The following LRRIQ3 variants were observed in gnomAD, a reference collection of about 807,000 sequenced individuals.
LRRIQ3 encodes the protein leucine rich repeats and IQ motif containing 3.
A neutral mutation model predicts 59.3 loss-of-function variants in LRRIQ3; 75 were observed. That is an observed-to-expected ratio of 1.26 (90% CI 1.05 to 1.53). The LOEUF (loss-of-function observed/expected upper bound fraction) is 1.53. Among genes scored for constraint, LRRIQ3 ranks in the 40% most tolerant of loss-of-function variants. The probability of loss-of-function intolerance (pLI) is 0.00; values close to 1 mark genes in which losing one functional copy is unlikely to be tolerated. For synonymous variants in LRRIQ3, 250 were observed against 231.3 expected (o/e 1.08, Z -0.73); for missense variants, 831 against 710.0 (o/e 1.17, Z -1.94).
chr1:74,108,029 C>T (rs1363440332), intron 5 of LRRIQ3, among the ~76,000 whole-genome samples: 1 of 151,720 alleles, frequency 6.6e-6, no homozygotes, highest in East Asian at 1.9e-4. Flanking sequence ...TTTATACATA[C>T]TAAAAAATCT....
At chr1:74,028,741 T>C (rs1161262057) in intron 7 of LRRIQ3, among the ~76,000 whole-genome samples, 2 of 152,010 alleles carry the variant, frequency 1.3e-5, no homozygotes, top group Non-Finnish European at 2.9e-5. Context: ...AGAGGACATT[T>C]CAACTCACAG....
At chr1:74,056,645 T>A (rs1654543721) in intron 6 of LRRIQ3, among the ~76,000 whole-genome samples, 1 of 151,894 alleles carries the variant, frequency 6.6e-6, no homozygotes, top group Non-Finnish European at 1.5e-5. Context: ...TAACTAGAAA[T>A]AAATTTAACC....
chr1:74,119,467 T>C (rs1646822298), intron 4 of LRRIQ3, among the ~76,000 whole-genome samples: 2 of 152,248 alleles, frequency 1.3e-5, no homozygotes, highest in East Asian at 1.9e-4. Context: ...ACATATTCTT[T>C]TGAAAGTAGT....
intron 3 of LRRIQ3, among the ~76,000 whole-genome samples, chr1:74,173,158 G>A (rs915469691): frequency 7.2e-5 from 11 of 151,888 alleles, no homozygotes; most frequent in Non-Finnish European, 1.3e-4. Context: ...TCAGCTGGGC[G>A]TGGTAGCGGG....
In LRRIQ3 at chr1:74,198,151, A is replaced by G. The variant is rs565972704; in HGVS notation, c.-156T>C. 5 of 1,500,492 alleles carry G rather than the reference A, an allele frequency of 3.3e-6. No individual in the cohort carries two copies. The South Asian group carries it at 3.9e-5, about 12-fold the overall frequency. The allele number at this position is 1,500,492 out of a possible 1,614,324, so 92.9% of individuals were successfully genotyped here. On this transcript the variant is annotated 5_prime_UTR_variant, in exon 1 of 8. Coordinates refer to ENST00000354431, the MANE Select transcript of LRRIQ3 (RefSeq NM_001105659.2). ...TCCACATCATGGTTTTCCGGGCGCC[A>G]GCCAAGGCGCTCCGGGGGCGTGGTT...
intron 5 of LRRIQ3, among the ~76,000 whole-genome samples, chr1:74,096,242 T>G (rs144664211): frequency 6.6e-6 from 1 of 152,116 alleles, no homozygotes; most frequent in Admixed American, 6.6e-5. Flanking sequence ...AACTCCATGA[T>G]ACAGTAATGG....
At chr1:74,129,975 A>G (rs1646988794) in intron 4 of LRRIQ3, among the ~76,000 whole-genome samples, 1 of 151,704 alleles carries the variant, frequency 6.6e-6, no homozygotes, top group Non-Finnish European at 1.5e-5. Flanking sequence ...CCCCACCAAA[A>G]AAAAGTCCTC....
chr1:74,132,270 A>G (rs1337936224), intron 4 of LRRIQ3, among the ~76,000 whole-genome samples: 2 of 152,192 alleles, frequency 1.3e-5, no homozygotes, highest in Non-Finnish European at 2.9e-5. Context: ...GATAGGATGA[A>G]TCAATATTGT....
Position 74,057,569 on chromosome 1 carries a change from A to G in LRRIQ3, c.998-15636T>C, listed in dbSNP as rs527445259. Among the ~76,000 whole-genome samples the G allele has an allele frequency of 4.6e-5, 7 of 152,284 alleles. No homozygotes were observed. The South Asian group carries it at 1.0e-3, about 23-fold the overall frequency. On this transcript the variant is annotated intron_variant, in intron 6 of 7. Transcript: ENST00000354431. ...TGCAGAAGAATGAAACTAGACCCCT[A>G]TCTCTCACCATATAAAAAATCTACT...
intron 4 of LRRIQ3, among the ~76,000 whole-genome samples, chr1:74,114,667 G>A (rs1253284023): frequency 4.0e-5 from 6 of 151,670 alleles, no homozygotes; most frequent in South Asian, 2.1e-4. Flanking sequence ...ACCAGGAGGC[G>A]GAGCTTTCAG....
intron 3 of LRRIQ3, among the ~76,000 whole-genome samples, chr1:74,169,394 G>T (rs1036471905): frequency 1.3e-4 from 20 of 152,148 alleles, no homozygotes; most frequent in African/African-American, 4.8e-4. Context: ...TACTGTTTAA[G>T]ATCCTGATTT....
intron 3 of LRRIQ3, among the ~76,000 whole-genome samples, chr1:74,177,749 T>C (rs1427875869): frequency 6.6e-6 from 1 of 151,982 alleles, no homozygotes; most frequent in African/African-American, 2.4e-5. Flanking sequence ...ACAATTTAAT[T>C]ATATAATACA....
At chr1:74,036,248 CTT>C (rs1420197788) in intron 7 of LRRIQ3, among the ~76,000 whole-genome samples, 1 of 152,088 alleles carries the variant, frequency 6.6e-6, no homozygotes, top group African/African-American at 2.4e-5. Flanking sequence ...CGCCTCCTGT[CTT>C]TTAAACACTG....
intron 7 of LRRIQ3, among the ~76,000 whole-genome samples, chr1:74,039,248 T>C (rs2100382209): frequency 6.6e-6 from 1 of 152,188 alleles, no homozygotes; most frequent in East Asian, 1.9e-4. Flanking sequence ...ACTACCTTGC[T>C]GAAATAAGTC....
At chr1:74,086,835 A>C (rs1398063945) in intron 5 of LRRIQ3, among the ~76,000 whole-genome samples, 3 of 152,088 alleles carry the variant, frequency 2.0e-5, no homozygotes, top group African/African-American at 4.8e-5. Flanking sequence ...TTAAACAGTA[A>C]GCCAAAACAC....
intron 4 of LRRIQ3, among the ~76,000 whole-genome samples, chr1:74,139,424 A>AT (rs1247208629): frequency 6.6e-6 from 1 of 151,816 alleles, no homozygotes; most frequent in Non-Finnish European, 1.5e-5. Flanking sequence ...TTTTCTCACC[A>AT]TAACAACCAC....
At chr1:74,059,799 T>C (rs1033420414) in intron 6 of LRRIQ3, among the ~76,000 whole-genome samples, 2 of 152,114 alleles carry the variant, frequency 1.3e-5, no homozygotes, top group Non-Finnish European at 2.9e-5. Flanking sequence ...TAATATCATC[T>C]TAATTTTAAG....
chr1:74,121,844 T>C lies in LRRIQ3; in HGVS notation c.708-12291A>G, dbSNP rs185488385. Among the ~76,000 whole-genome samples, 211 of 151,554 alleles carry C rather than the reference T, an allele frequency of 1.4e-3. 1 individual carries two copies. The highest frequency in any genetic ancestry group is 5.0e-3 in the African/African-American group (206 of 41,382). The stretch of plus-strand genomic sequence containing the variant: ...TGAGAACATGCAGTTTTTGGTTTTT[T>C]GTCCTTGCGACAGTTTGCTGAGAAT... On this transcript the variant is annotated intron_variant, in intron 4 of 7. Transcript: ENST00000354431.
intron 4 of LRRIQ3, among the ~76,000 whole-genome samples, chr1:74,126,584 T>G (rs1469806571): frequency 6.6e-6 from 1 of 151,930 alleles, no homozygotes; most frequent in Admixed American, 6.6e-5. Context: ...ATTTTTAAAT[T>G]TCCTTCATAA....
Sources: allele counts gnomAD v4.1 joint callset (sites outside exome capture counted in the v4.1 genomes callset), GRCh38; gene constraint gnomAD v4.1.1; transcripts MANE v1.5; gene names NCBI Gene and HGNC (gene_info 2026-07-23, HGNC 2026-07-21).